The following PFKFB2 variants were observed in gnomAD, a reference collection of about 807,000 sequenced individuals.
PFKFB2 encodes the protein 6-phosphofructo-2-kinase/fructose-2,6-biphosphatase 2.
Under a neutral mutation model 68.0 loss-of-function variants are expected in PFKFB2, and 53 were observed. That is an observed-to-expected ratio of 0.78 (90% CI 0.63 to 0.98). The LOEUF (loss-of-function observed/expected upper bound fraction) is 0.98, where lower values mean the gene tolerates loss of function less well. PFKFB2 is among the 50% of genes least tolerant of loss of function. The pLI, the probability that PFKFB2 is intolerant of heterozygous loss-of-function variation, is 0.00. For missense variants in PFKFB2, 451 were observed against 642.0 expected (o/e 0.70, Z 3.22); for synonymous variants, 222 against 227.6 (o/e 0.98, Z 0.22).
intron 1 of PFKFB2, among the ~76,000 whole-genome samples, chr1:207,038,634 A>T (rs1200199007): frequency 1.3e-5 from 2 of 152,202 alleles, no homozygotes; most frequent in Non-Finnish European, 1.5e-5. Flanking sequence ...CAGATTCACC[A>T]ATTTTAATTC....
At chr1:207,067,936 G>A (rs2243816) in intron 9 of PFKFB2, among the ~76,000 whole-genome samples, 18,186 of 152,072 alleles carry the variant, frequency 0.12, 1,210 homozygotes, top group Admixed American at 0.2. Flanking sequence ...ATATTCATTG[G>A]GCACAACTTG....
chr1:207,068,999 C>T (rs956115015), intron 10 of PFKFB2, among the ~76,000 whole-genome samples: 3 of 152,220 alleles, frequency 2.0e-5, no homozygotes, highest in Non-Finnish European at 2.9e-5. Flanking sequence ...CCCGCCTTGG[C>T]CACCCAAAGT....
At chr1:207,051,389 C>T (rs1288910622), upstream of PFKFB2, among the ~76,000 whole-genome samples, 2 of 152,188 alleles carry the variant, frequency 1.3e-5, no homozygotes, top group Non-Finnish European at 2.9e-5. Context: ...TAGTTCACAA[C>T]GCAAACGAAT....
Position 207,072,438 on chromosome 1 carries a change from C to T in PFKFB2, c.*67C>T. The stretch of plus-strand genomic sequence containing the variant: ...TTCCCTCCAGCCCTGGCCTCCTGCC[C>T]TTGTCACTAATCACCAAGGAGTCAT... On this transcript the variant is annotated 3_prime_UTR_variant, in exon 15 of 15. Coordinates refer to ENST00000367080, the MANE Select transcript of PFKFB2 (RefSeq NM_006212.2). 7.1e-6 allele frequency: 11 copies of T among 1,554,114 alleles called. No homozygotes were observed. The highest frequency in any genetic ancestry group is 9.5e-6 in the Non-Finnish European group (11 of 1,152,930).
chr1:207,074,145 T>G lies in PFKFB2; in HGVS notation c.*1774T>G. ...ATTTAAGTAGCTTCCCGGATGATTCTGATTCATAGCTCGGGTTAAGAACTC... is the reference window on the plus strand; with the variant it reads ...ATTTAAGTAGCTTCCCGGATGATTCGGATTCATAGCTCGGGTTAAGAACTC... On this transcript the variant is annotated 3_prime_UTR_variant, in exon 15 of 15. Transcript: ENST00000367080. 1 of 977,044 alleles carries G rather than the reference T, an allele frequency of 1.0e-6. No individual in the cohort carries two copies. The highest frequency in any genetic ancestry group is 1.2e-6 in the Non-Finnish European group (1 of 822,286). 60.5% of individuals were successfully genotyped at this position (977,044 alleles called of 1,614,324 possible). A position where few individuals can be genotyped will look rare whatever the true frequency, so the allele number is the denominator to read the frequency against.
At chr1:207,054,929 A>G (rs965037186) in intron 2 of PFKFB2, 127 bp downstream of exon 2, 3 of 681,840 alleles carry the variant, frequency 4.4e-6, no homozygotes, top group African/African-American at 1.8e-5. Flanking sequence ...ATTTAATGCA[A>G]AGTCTCCAGG....
At chr1:207,059,737 C>A (rs1190101257) in intron 2 of PFKFB2, among the ~76,000 whole-genome samples, 1 of 152,072 alleles carries the variant, frequency 6.6e-6, no homozygotes, top group African/African-American at 2.4e-5. Context: ...TTGCCAAACA[C>A]CCTTAGGAAA....
Position 207,063,515 on chromosome 1 carries a change from G to T in PFKFB2, c.450+94G>T. 1 of 851,812 alleles carries T rather than the reference G, an allele frequency of 1.2e-6. No homozygotes were observed. The highest frequency in any genetic ancestry group is 2.0e-6 in the Non-Finnish European group (1 of 505,410). 52.8% of individuals were successfully genotyped at this position (851,812 alleles called of 1,614,324 possible). A position where few individuals can be genotyped will look rare whatever the true frequency, so the allele number is the denominator to read the frequency against. ...TCTCTCACTCTAGTGGGTGAGGACAGGATGGGATATCTGAATCTCTTCTCT... is the reference window on the plus strand; with the variant it reads ...TCTCTCACTCTAGTGGGTGAGGACATGATGGGATATCTGAATCTCTTCTCT... On this transcript the variant is annotated intron_variant, in intron 6 of 14. Transcript: ENST00000367080. The surrounding 1 kb of genome is among the most constrained non-coding windows in gnomAD (Gnocchi z 4.1).
Position 207,073,711 on chromosome 1 carries a change from C to T in PFKFB2, c.*1340C>T. 1 of 985,266 alleles carries T rather than the reference C, an allele frequency of 1.0e-6. No individual in the cohort carries two copies. The highest frequency in any genetic ancestry group is 1.2e-6 in the Non-Finnish European group (1 of 829,796). The allele number at this position is 985,266 out of a possible 1,614,324, so 61.0% of individuals were successfully genotyped here. A position where few individuals can be genotyped will look rare whatever the true frequency, so the allele number is the denominator to read the frequency against. ...TTTGTATTTCTCTATTCACTTCTGT[C>T]ATTTCATTTTCTTTGTAGGGTTAAA... On this transcript the variant is annotated 3_prime_UTR_variant, in exon 15 of 15. Coordinates refer to ENST00000367080, the MANE Select transcript of PFKFB2 (RefSeq NM_006212.2).
intron 1 of PFKFB2, among the ~76,000 whole-genome samples, chr1:207,038,560 A>G (rs1682421451): frequency 6.6e-6 from 1 of 152,198 alleles, no homozygotes; most frequent in South Asian, 2.1e-4. Context: ...TTTATTTTTC[A>G]ACTGATTAGT....
At chr1:207,049,390 G>C, upstream of PFKFB2, 1 of 1,614,044 alleles carries the variant, frequency 6.2e-7, no homozygotes, top group Non-Finnish European at 8.5e-7. Context: ...GGACAAAATC[G>C]ATATCTCTAT....
At chr1:207,059,250 C>G (rs1254167348) in intron 2 of PFKFB2, among the ~76,000 whole-genome samples, 1 of 152,098 alleles carries the variant, frequency 6.6e-6, no homozygotes, top group Non-Finnish European at 1.5e-5. Flanking sequence ...CAGAGCAGCT[C>G]CCAAGTATCA....
intron 2 of PFKFB2, among the ~76,000 whole-genome samples, chr1:207,060,453 C>G (rs943182838): frequency 6.6e-6 from 1 of 152,230 alleles, no homozygotes; most frequent in Non-Finnish European, 1.5e-5. Flanking sequence ...TGGGCTGGCT[C>G]TACCCTGAAG....
upstream of PFKFB2, chr1:207,048,319 A>G (rs1463541983): frequency 6.5e-6 from 1 of 152,674 alleles, no homozygotes; most frequent in East Asian, 1.9e-4. Context: ...CTGTTTTGTG[A>G]TAACATTCTC....
chr1:207,050,695 G>A, upstream of PFKFB2: 1 of 1,613,094 alleles, frequency 6.2e-7, no homozygotes, highest in Non-Finnish European at 8.5e-7. Context: ...TACCAGATTG[G>A]ATGGGCAAGT....
At chr1:207,055,525 G>T (rs1296761492) in intron 2 of PFKFB2, among the ~76,000 whole-genome samples, 1 of 151,998 alleles carries the variant, frequency 6.6e-6, no homozygotes, top group Non-Finnish European at 1.5e-5. Context: ...CAAAAGATCT[G>T]GGACTCTGTT....
chr1:207,063,888 GGT>G lies in PFKFB2; in HGVS notation c.507+86_507+87del, dbSNP rs57138984. On this transcript the variant is annotated intron_variant, in intron 7 of 14. Transcript: ENST00000367080. The surrounding 1 kb of genome is among the most constrained non-coding windows in gnomAD (Gnocchi z 4.1). ...ACCTTTTGTGCTGTGTGTGTTGTGG[GGT>G]GTGTGTGTGTGTGTGTGTGTGTGTG... 0.059 allele frequency: 56,590 copies of G among 963,564 alleles called. No homozygotes were observed. Among genetic ancestry groups the G allele is most frequent in the East Asian group, 0.18 (6,183 of 34,910 alleles). 59.7% of individuals were successfully genotyped at this position (963,564 alleles called of 1,614,324 possible).
At chr1:207,056,775 C>T (rs1296377772) in intron 2 of PFKFB2, among the ~76,000 whole-genome samples, 3 of 152,106 alleles carry the variant, frequency 2.0e-5, no homozygotes, top group African/African-American at 7.2e-5. Context: ...ACGTCACAGT[C>T]GGGCTGTGAG....
At chr1:207,054,943 G>T in intron 2 of PFKFB2, 141 bp downstream of exon 2, 1 of 635,844 alleles carries the variant, frequency 1.6e-6, no homozygotes, top group East Asian at 2.8e-5. Context: ...CTCCAGGGTA[G>T]AATGTCCTGT....
Sources: allele counts gnomAD v4.1 joint callset (sites outside exome capture counted in the v4.1 genomes callset), GRCh38; gene constraint gnomAD v4.1.1; non-coding constraint Gnocchi (gnomAD v3.1); transcripts MANE v1.5; gene names NCBI Gene and HGNC (gene_info 2026-07-23, HGNC 2026-07-21).